Variants in IVNS1ABP observed in about 807,000 individuals in gnomAD.
The protein encoded by IVNS1ABP is influenza virus NS1A-binding protein.
A neutral mutation model predicts 78.9 loss-of-function variants in IVNS1ABP; 25 were observed. That is an observed-to-expected ratio of 0.32 (90% CI 0.23 to 0.44). IVNS1ABP has a LOEUF of 0.44. Among genes scored for constraint, IVNS1ABP ranks in the 20% least tolerant of loss-of-function variants. IVNS1ABP has a pLI of 1.00. For synonymous variants in IVNS1ABP, 241 were observed against 259.7 expected, an observed-to-expected ratio of 0.93 and a Z score of 0.69; for missense variants, 494 against 768.9, an observed-to-expected ratio of 0.64 and a Z score of 4.23.
Position 185,298,278 on chromosome 1 carries a change from A to C in IVNS1ABP, c.1686T>G (p.Phe562Leu). 6.2e-7 allele frequency: 1 copy of C among 1,613,022 alleles called. No homozygotes were observed. The highest frequency in any genetic ancestry group is 8.5e-7 in the Non-Finnish European group (1 of 1,179,386). Reference sequence around the variant, plus strand: ...GAGAACCATCAAAGCCACCACATACAAACAGTTTTCCTAAAAGAGAAATGA... The same window carrying C: ...GAGAACCATCAAAGCCACCACATACCAACAGTTTTCCTAAAAGAGAAATGA... ...AGVAVLNGKL[F>L]VCGGFDGSHA... Residue 562 changes from phenylalanine (F) to leucine (L), a missense_variant, in exon 15 of 15, where the codon TTT (phenylalanine) becomes TTG (leucine). Transcript: ENST00000367498. The surrounding 1 kb of genome is among the most constrained non-coding windows in gnomAD (Gnocchi z 4.1).
intron 9 of IVNS1ABP, 70 bp downstream of exon 9, chr1:185,301,364 A>G (rs1665593556): frequency 3.9e-6 from 6 of 1,546,284 alleles, no homozygotes; most frequent in Non-Finnish European, 5.3e-6. Context: ...TTTAAGAGGT[A>G]TTAAATTGGC....
chr1:185,311,332 T>G lies in IVNS1ABP; in HGVS notation c.-246-10A>C, dbSNP rs1283763146. 2.5e-6 allele frequency: 1 copy of G among 397,314 alleles called. No individual in the cohort carries two copies. The highest frequency in any genetic ancestry group is 4.4e-6 in the Non-Finnish European group (1 of 225,274). 24.6% of individuals were successfully genotyped at this position (397,314 alleles called of 1,614,324 possible). On this transcript the variant is annotated splice_polypyrimidine_tract_variant and intron_variant, in intron 1 of 14. Transcript: ENST00000367498. ...AATGATGCATCATAATCTATAACAA[T>G]GATAAATTTAAGTTAGATATTCAGA... is the stretch of plus-strand genomic sequence containing the variant.
Position 185,298,590 on chromosome 1 carries a change from T to C in IVNS1ABP, c.1676-302A>G. ...AACTCTGTGGTAGTTACTATTATTA[T>C]TTCAGAGAAGAAGAAAAGCAGGAAG... On this transcript the variant is annotated intron_variant, in intron 14 of 14. Transcript: ENST00000367498. The surrounding 1 kb of genome is among the most constrained non-coding windows in gnomAD (Gnocchi z 4.1). The C allele has an allele frequency of 2.7e-6, 1 of 367,246 alleles. No homozygotes were observed. The highest frequency in any genetic ancestry group is 3.5e-5 in the South Asian group (1 of 28,946). 22.7% of individuals were successfully genotyped at this position (367,246 alleles called of 1,614,324 possible).
At position 185,307,479 on chromosome 1, in the gene IVNS1ABP, T is replaced by C. The variant is rs779858772; in HGVS notation, c.531+10A>G. On this transcript the variant is annotated intron_variant, in intron 6 of 14. Transcript: ENST00000367498. ...ATAGTATATATCTGTTTATAGACTTTACTCCTTACCTTTAGCCTTGGAAGC... is the reference window on the plus strand; with the variant it reads ...ATAGTATATATCTGTTTATAGACTTCACTCCTTACCTTTAGCCTTGGAAGC... 5 of 1,606,142 alleles carry C rather than the reference T, an allele frequency of 3.1e-6. No homozygotes were observed. Among genetic ancestry groups the C allele is most frequent in the Non-Finnish European group, 4.3e-6 (5 of 1,175,010 alleles).
At position 185,298,223 on chromosome 1, in the gene IVNS1ABP, G is replaced by A; in HGVS notation, c.1741C>T (p.Pro581Ser). The A allele has an allele frequency of 6.2e-7, 1 of 1,613,572 alleles. No individual in the cohort carries two copies. Among genetic ancestry groups the A allele is most frequent in the Non-Finnish European group, 8.5e-7 (1 of 1,179,714 alleles). ...HAISCVEMYD[P>S]TRNEWKMMGN... ...ATCATCTTCCATTCATTTCTAGTTG[G>A]ATCATACATTTCCACACAACTGATG... Residue 581 changes from proline to serine, a missense_variant, in exon 15 of 15, where the codon CCA becomes TCA. Coordinates refer to ENST00000367498, the MANE Select transcript of IVNS1ABP (RefSeq NM_006469.5). The surrounding 1 kb of genome is among the most constrained non-coding windows in gnomAD (Gnocchi z 4.1).
intron 1 of IVNS1ABP, among the ~76,000 whole-genome samples, chr1:185,314,527 G>GTA (rs576440623): frequency 2.0e-4 from 31 of 152,210 alleles, no homozygotes; most frequent in Admixed American, 6.5e-4. Context: ...GATGCATATG[G>GTA]TAATAGTGGG....
At chr1:185,310,880 G>GA (rs914313158) in intron 2 of IVNS1ABP, among the ~76,000 whole-genome samples, 55 of 138,240 alleles carry the variant, frequency 4.0e-4, no homozygotes, top group Middle Eastern at 3.6e-3. Context: ...TCTCTTTAAG[G>GA]AAAAAAAAAA....
intron 1 of IVNS1ABP, among the ~76,000 whole-genome samples, chr1:185,316,105 C>T (rs1440902932): frequency 6.6e-6 from 1 of 152,164 alleles, no homozygotes; most frequent in East Asian, 1.9e-4. Flanking sequence ...TAATCAGAGA[C>T]ACTTAACCAA....
chr1:185,309,889 AGGTTTCCTTGGATTTG>A (rs1197828282), intron 2 of IVNS1ABP, among the ~76,000 whole-genome samples: 3 of 152,200 alleles, frequency 2.0e-5, no homozygotes, highest in African/African-American at 7.2e-5. Context: ...CAGTACATAT[AGGTTTCCTTGGATTTG>A]GGCTCCTGTC....
At chr1:185,302,244 A>G (rs1205721074) in intron 8 of IVNS1ABP, among the ~76,000 whole-genome samples, 1 of 152,186 alleles carries the variant, frequency 6.6e-6, no homozygotes, top group Non-Finnish European at 1.5e-5. Flanking sequence ...CAGGAATACT[A>G]AAGAGGGAGA....
intron 3 of IVNS1ABP, 64 bp from the exon 4 acceptor site, chr1:185,309,236 A>G (rs950487898): frequency 6.2e-5 from 79 of 1,270,736 alleles, no homozygotes; most frequent in Admixed American, 7.9e-5. Context: ...GCTAATTACT[A>G]TATCAGATTC....
intron 1 of IVNS1ABP, among the ~76,000 whole-genome samples, chr1:185,312,410 T>C (rs567209096): frequency 6.6e-6 from 1 of 152,342 alleles, no homozygotes; most frequent in East Asian, 1.9e-4. Flanking sequence ...TATGGATATC[T>C]TAAGATTATT....
At chr1:185,300,679 G>T (rs1222948449) in intron 10 of IVNS1ABP, 121 bp from the exon 11 acceptor site, 2 of 1,040,968 alleles carry the variant, frequency 1.9e-6, no homozygotes, top group Non-Finnish European at 2.8e-6. Flanking sequence ...TTTTAAGGAT[G>T]CCTTAGTTGA....
chr1:185,311,641 C>A (rs1432257795), intron 1 of IVNS1ABP, among the ~76,000 whole-genome samples: 1 of 151,930 alleles, frequency 6.6e-6, no homozygotes, highest in Non-Finnish European at 1.5e-5. Flanking sequence ...TTCTAATATT[C>A]TTTATTATTA....
chr1:185,299,506 TAA>T lies in IVNS1ABP; in HGVS notation c.1675+202_1675+203del. 3 of 585,376 alleles carry T rather than the reference TAA, an allele frequency of 5.1e-6. No individual in the cohort carries two copies. The South Asian group carries it at 6.4e-5, about 12-fold the overall frequency. 36.3% of individuals were successfully genotyped at this position (585,376 alleles called of 1,614,324 possible). ...TGCACCCATCAAAAGACTGGTGAAT[TAA>T]GTTATATATCAAGTATTATAAGTCT... On this transcript the variant is annotated intron_variant, in intron 14 of 14. Transcript: ENST00000367498.
chr1:185,300,104 A>G lies in IVNS1ABP; in HGVS notation c.1396T>C (p.Tyr466His). The part of the protein sequence containing the change: ...AGVCALNGKL[Y>H]IVGGSDPYGQ... ...TATGGATCAGAGCCACCAACGATGTATAACTTTCCATTCAGAGCACACACT... is the reference window on the plus strand; with the variant it reads ...TATGGATCAGAGCCACCAACGATGTGTAACTTTCCATTCAGAGCACACACT... Residue 466 changes from tyrosine (Y) to histidine (H), a missense_variant, in exon 13 of 15, where the codon TAC (tyrosine) becomes CAC (histidine). Tyr to His is a moderately conservative substitution (Grantham distance 83). Transcript: ENST00000367498. The G allele has an allele frequency of 2.5e-6, 4 of 1,613,424 alleles. No homozygotes were observed. Among genetic ancestry groups the G allele is most frequent in the South Asian group, 1.1e-5 (1 of 91,062 alleles).
At chr1:185,304,613 A>G (rs1665689123) in intron 8 of IVNS1ABP, among the ~76,000 whole-genome samples, 1 of 152,168 alleles carries the variant, frequency 6.6e-6, no homozygotes, top group Non-Finnish European at 1.5e-5. Context: ...TTTGAGCTAA[A>G]GGCCAAATAA....
chr1:185,315,300 A>G (rs1446540608), intron 1 of IVNS1ABP, among the ~76,000 whole-genome samples: 3 of 152,246 alleles, frequency 2.0e-5, no homozygotes, highest in East Asian at 3.8e-4. Context: ...TTCAAGCAAG[A>G]AAAAATCCCA....
chr1:185,303,958 A>G (rs1665666681), intron 8 of IVNS1ABP, among the ~76,000 whole-genome samples: 1 of 152,094 alleles, frequency 6.6e-6, no homozygotes, highest in South Asian at 2.1e-4. Flanking sequence ...CTATAGGATA[A>G]AGTATAAGCC....
Sources: allele counts gnomAD v4.1 joint callset (sites outside exome capture counted in the v4.1 genomes callset), GRCh38; gene constraint gnomAD v4.1.1; non-coding constraint Gnocchi (gnomAD v3.1); transcripts MANE v1.5; gene names NCBI Gene and HGNC (gene_info 2026-07-23, HGNC 2026-07-21).